EMSY: variants seen among roughly 807,000 people sequenced by gnomAD.
The protein encoded by EMSY is EMSY transcriptional repressor, BRCA2 interacting, also known as BRCA2-interacting transcriptional repressor EMSY.
EMSY carries 26 observed loss-of-function variants against 134.6 expected under a neutral mutation model. The ratio of observed to expected loss-of-function variants is 0.19; its 90% CI spans 0.14 to 0.27. EMSY has a LOEUF of 0.27. Among genes scored for constraint, EMSY ranks in the 10% least tolerant of loss-of-function variants. The probability of loss-of-function intolerance (pLI) is 1.00; values close to 1 mark genes in which losing one functional copy is unlikely to be tolerated. For synonymous variants in EMSY, 579 were observed against 577.8 expected, an observed-to-expected ratio of 1.00 and a Z score of -0.03; for missense variants, 1,305 against 1,611.4, an observed-to-expected ratio of 0.81 and a Z score of 3.26.
At position 76,544,268 on chromosome 11, in the gene EMSY, A is replaced by G. The variant is rs188520475; in HGVS notation, c.2719A>G (p.Ser907Gly). The G allele has an allele frequency of 4.9e-5, 79 of 1,610,228 alleles. No homozygotes were observed. The Middle Eastern group carries it at 8.3e-4, about 17-fold the overall frequency. Reference sequence around the variant, plus strand: ...TGCCTTTTTTACTTAGGCATTAAGCAGTCACACTGCTTTTACCAAACACAG... The same window carrying G: ...TGCCTTTTTTACTTAGGCATTAAGCGGTCACACTGCTTTTACCAAACACAG... The change falls in exon 19 of 21, where the codon AGT (serine) becomes GGT (glycine). Residue 907 changes from serine to glycine, a missense_variant. Ser to Gly is a moderately conservative substitution (Grantham distance 56). Coordinates refer to ENST00000334736, the Ensembl canonical transcript of EMSY.
intron 8 of EMSY, among the ~76,000 whole-genome samples, chr11:76,475,196 T>C (rs1948730236): frequency 6.6e-6 from 1 of 152,236 alleles, no homozygotes; most frequent in Admixed American, 6.5e-5. Context: ...GACTGATCCG[T>C]GTATCAACAC....
At chr11:76,550,500 T>G in exon 21 of EMSY, 1 of 170,404 alleles carries the variant, frequency 5.9e-6, no homozygotes. Flanking sequence ...CTGAGCAAAA[T>G]ACCATCTAAA....
exon 21 of EMSY, chr11:76,549,983 C>T: frequency 6.2e-7 from 1 of 1,613,348 alleles, no homozygotes; most frequent in East Asian, 2.2e-5. Flanking sequence ...CCTTGTCACT[C>T]CAGCTCCAAT....
At chr11:76,528,360 C>T in exon 14 of EMSY, 1 of 1,612,918 alleles carries the variant, frequency 6.2e-7, no homozygotes, top group Non-Finnish European at 8.5e-7. Flanking sequence ...AGCAAGCATC[C>T]AGGGTAGCAG....
chr11:76,503,836 G>A (rs1239167652), intron 9 of EMSY, among the ~76,000 whole-genome samples: 4 of 152,144 alleles, frequency 2.6e-5, no homozygotes, highest in South Asian at 2.1e-4. Context: ...CCAGGCTAGC[G>A]TGTAGTGGCA....
exon 20 of EMSY, chr11:76,546,131 A>G (rs1951639568): frequency 1.2e-6 from 2 of 1,614,202 alleles, no homozygotes; most frequent in Admixed American, 1.7e-5. Flanking sequence ...TCCACTCCCC[A>G]GCAACAGAAA....
At chr11:76,528,077 C>T (rs1950906445) in intron 13 of EMSY, among the ~76,000 whole-genome samples, 191 bp from the exon 15 acceptor site, 1 of 152,104 alleles carries the variant, frequency 6.6e-6, no homozygotes, top group Non-Finnish European at 1.5e-5. Context: ...CCACTTAAAA[C>T]ATTGTATATG....
In EMSY at chr11:76,489,559, T is replaced by C. The variant is rs181919922; in HGVS notation, c.1109-6656T>C. On this transcript the variant is annotated intron_variant, in intron 8 of 20. Coordinates refer to ENST00000334736, the Ensembl canonical transcript of EMSY. ...GTTTCCATGTCTGTCTTTTCTGATG[T>C]TAATATAGCCACTCCAACTTTCTTA... 1.5e-4 allele frequency among the ~76,000 whole-genome samples: 23 copies of C among 152,222 alleles called. No individual in the cohort carries two copies. In the East Asian group the frequency reaches 3.9e-3, roughly 26 times the overall value.
chr11:76,500,458 A>G (rs1949818100), intron 9 of EMSY, among the ~76,000 whole-genome samples: 2 of 152,236 alleles, frequency 1.3e-5, no homozygotes, highest in African/African-American at 4.8e-5. Flanking sequence ...TGTAATGAAC[A>G]TATAGTCTAG....
intron 9 of EMSY, among the ~76,000 whole-genome samples, chr11:76,507,923 G>C (rs1260423704): frequency 6.9e-6 from 1 of 144,262 alleles, no homozygotes; most frequent in Non-Finnish European, 1.5e-5. Flanking sequence ...GGAATGCAGT[G>C]ACACAATCAT....
intron 14 of EMSY, among the ~76,000 whole-genome samples, chr11:76,533,532 T>C (rs1951118424): frequency 6.6e-6 from 1 of 152,096 alleles, no homozygotes; most frequent in Non-Finnish European, 1.5e-5. Flanking sequence ...AAGATTATAG[T>C]ATAAGATTGA....
At chr11:76,525,721 A>G (rs569756153) in intron 12 of EMSY, among the ~76,000 whole-genome samples, 8 of 152,192 alleles carry the variant, frequency 5.3e-5, no homozygotes, top group Admixed American at 1.3e-4. Flanking sequence ...TTAATAGACT[A>G]AAAGGATATT....
chr11:76,488,542 T>TG (rs1949287162), intron 8 of EMSY, among the ~76,000 whole-genome samples: 1 of 152,126 alleles, frequency 6.6e-6, no homozygotes, highest in Non-Finnish European at 1.5e-5. Context: ...TTTGTTTTTT[T>TG]TTTTATTTTT....
intron 16 of EMSY, among the ~76,000 whole-genome samples, chr11:76,539,248 T>C (rs976425479): frequency 6.6e-6 from 1 of 152,190 alleles, no homozygotes; most frequent in Non-Finnish European, 1.5e-5. Context: ...AGATGACTTA[T>C]GAGGCAATAT....
chr11:76,531,781 T>C (rs1403972773), intron 14 of EMSY, among the ~76,000 whole-genome samples: 2 of 152,208 alleles, frequency 1.3e-5, no homozygotes, highest in East Asian at 1.9e-4. Flanking sequence ...CATTTAATAG[T>C]TGGCATTCCA....
chr11:76,448,097 C>G (rs1015450323), intron 2 of EMSY, among the ~76,000 whole-genome samples: 9 of 152,160 alleles, frequency 5.9e-5, no homozygotes, highest in Non-Finnish European at 1.0e-4. Context: ...ATAACACTCT[C>G]TGCCTCATTA....
At chr11:76,463,554 C>T (rs1473240069) in intron 6 of EMSY, among the ~76,000 whole-genome samples, 3 of 146,304 alleles carry the variant, frequency 2.1e-5, no homozygotes, top group African/African-American at 5.1e-5. Context: ...ACCCGGGAAG[C>T]GGAGCTTGCG....
chr11:76,492,148 A>G (rs1351064000), intron 8 of EMSY, among the ~76,000 whole-genome samples: 1 of 152,186 alleles, frequency 6.6e-6, no homozygotes, highest in Non-Finnish European at 1.5e-5. Context: ...TCATACAGCT[A>G]TTATGTTTTT....
At position 76,519,559 on chromosome 11, in the gene EMSY, C is replaced by T. The variant is rs1950573303; in HGVS notation, c.1684+3247C>T. 2.0e-5 allele frequency among the ~76,000 whole-genome samples: 3 copies of T among 152,284 alleles called. No individual in the cohort carries two copies. The South Asian group carries it at 6.2e-4, about 32-fold the overall frequency. On this transcript the variant is annotated intron_variant, in intron 11 of 20. Transcript: ENST00000334736. ...ACAGCAAAACTTTAATTCTCCTAAT[C>T]TTTAGTACAGTGTCCAGGAAAGGAG...
Sources: gnomAD v4.1 joint callset for allele counts (sites outside exome capture counted in the v4.1 genomes callset) on GRCh38, gnomAD v4.1.1 for gene constraint, MANE v1.5 for transcripts, NCBI Gene and HGNC (gene_info 2026-07-23, HGNC 2026-07-21) for gene names.